Variants in FAHD2B observed in about 807,000 individuals in gnomAD.
FAHD2B encodes the protein fumarylacetoacetate hydrolase domain containing 2B.
FAHD2B carries 26 observed loss-of-function variants against 33.7 expected under a neutral mutation model. The ratio of observed to expected loss-of-function variants is 0.77; its 90% confidence interval spans 0.57 to 1.07. The LOEUF is 1.07. FAHD2B is among the 50% of genes least tolerant of loss of function. FAHD2B has a pLI of 0.00. For missense variants in FAHD2B, 272 were observed against 388.1 expected, an observed-to-expected ratio of 0.70 and a Z score of 2.51; for synonymous variants, 108 against 150.9, an observed-to-expected ratio of 0.72 and a Z score of 2.08.
At chr2:97,093,725 G>A (rs1341566496) in intron 1 of FAHD2B, among the ~76,000 whole-genome samples, 8 of 151,940 alleles carry the variant, frequency 5.3e-5, no homozygotes, top group Admixed American at 2.6e-4. Context: ...CGCCCACCTC[G>A]GCCTCCCAAA....
downstream of FAHD2B, among the ~76,000 whole-genome samples, chr2:97,080,521 G>A (rs1407340227): frequency 2.0e-5 from 3 of 152,102 alleles, no homozygotes; most frequent in Non-Finnish European, 4.4e-5. Context: ...TGAAGAGCAT[G>A]ATGCCTCCAG....
At chr2:97,082,893 T>C (rs1189582680), downstream of FAHD2B, 1 of 766,118 alleles carries the variant, frequency 1.3e-6, no homozygotes, top group Non-Finnish European at 2.3e-6. Flanking sequence ...TGGGATTTAC[T>C]TGGTGTCTTC....
chr2:97,094,279 C>T (rs1236765450), intron 1 of FAHD2B, among the ~76,000 whole-genome samples: 12 of 151,574 alleles, frequency 7.9e-5, no homozygotes, highest in Non-Finnish European at 1.8e-4. Flanking sequence ...TACAGCAATC[C>T]CCTCAGGTAA....
In FAHD2B at chr2:97,083,728, T is replaced by C. The variant is rs772272580; in HGVS notation, c.*27A>G. Reference sequence around the variant, plus strand: ...GGCTGAGTGGGAGCAGATGCCCTCATCCTATGTCGGGCCTGTGCAGGAGCC... The same window carrying C: ...GGCTGAGTGGGAGCAGATGCCCTCACCCTATGTCGGGCCTGTGCAGGAGCC... On this transcript the variant is annotated 3_prime_UTR_variant, in exon 9 of 9. Coordinates refer to ENST00000414820, the MANE Select transcript of FAHD2B (RefSeq NM_001320848.2). 1 of 1,614,034 alleles carries C rather than the reference T, an allele frequency of 6.2e-7. No homozygotes were observed. The highest frequency in any genetic ancestry group is 8.5e-7 in the Non-Finnish European group (1 of 1,180,028).
intron 4 of FAHD2B, among the ~76,000 whole-genome samples, chr2:97,089,380 G>A (rs1466665035): frequency 1.9e-4 from 29 of 149,500 alleles, no homozygotes; most frequent in Admixed American, 1.3e-4. Flanking sequence ...TTAGGTGGGC[G>A]TGGTGGCATG....
At position 97,083,949 on chromosome 2, in the gene FAHD2B, T is replaced by C. The variant is rs556055479; in HGVS notation, c.881A>G (p.Lys294Arg). 12 of 1,613,792 alleles carry C rather than the reference T, an allele frequency of 7.4e-6. No homozygotes were observed. The highest frequency in any genetic ancestry group is 4.5e-5 in the East Asian group (2 of 44,878). Residue 294 changes from lysine to arginine, a missense_variant and splice_region_variant, in exon 8 of 9, where the codon AAG (lysine) becomes AGG (arginine). Coordinates refer to ENST00000414820, the MANE Select transcript of FAHD2B (RefSeq NM_001320848.2). ...GVFRKPPVFL[K>R]KGDEVQCEIE... The stretch of plus-strand genomic sequence containing the variant: ...TCTCTTTGCTTTTCGCTAACCTACC[T>C]TGAGAAAGACAGGAGGTTTCCTGAA...
chr2:97,082,515 G>A, downstream of FAHD2B: 1 of 1,608,050 alleles, frequency 6.2e-7, no homozygotes, highest in South Asian at 1.1e-5. Flanking sequence ...GTGTTTGCTG[G>A]TGGCTGCTGC....
intron 4 of FAHD2B, among the ~76,000 whole-genome samples, chr2:97,088,550 G>A (rs562722060): frequency 2.5e-4 from 38 of 152,282 alleles, no homozygotes; most frequent in African/African-American, 7.7e-4. Context: ...ACGTGGAACT[G>A]TAAGTCCAAT....
chr2:97,082,170 C>T, downstream of FAHD2B: 4 of 1,537,106 alleles, frequency 2.6e-6, no homozygotes, highest in Non-Finnish European at 2.6e-6. Context: ...TGGGGAGCTG[C>T]ACTCACCCCG....
chr2:97,086,078 A>G (rs2031963743), intron 5 of FAHD2B, 61 bp downstream of exon 5: 1 of 1,589,710 alleles, frequency 6.3e-7, no homozygotes, highest in Non-Finnish European at 8.6e-7. Context: ...CAGAACTAGG[A>G]GAGGCAGGAG....
At chr2:97,082,492 C>G (rs2153381576), downstream of FAHD2B, 4 of 1,611,958 alleles carry the variant, frequency 2.5e-6, no homozygotes, top group East Asian at 8.9e-5. Flanking sequence ...AGCCCAGGCT[C>G]CTGCAGGCAG....
chr2:97,081,081 A>G, downstream of FAHD2B: 5 of 1,509,288 alleles, frequency 3.3e-6, no homozygotes, highest in East Asian at 9.2e-5. Flanking sequence ...CCTTCCTCAT[A>G]ATGGACCCTC....
downstream of FAHD2B, chr2:97,083,272 G>C: frequency 6.2e-7 from 1 of 1,603,964 alleles, no homozygotes; most frequent in African/African-American, 1.3e-5. Context: ...CTGTGAGGAG[G>C]AGCCTGTGCT....
rs559428080 is a variant in FAHD2B, at chr2:97,086,196, C to T, written c.465G>A (p.Glu155=). Residue 155 remains glutamate (E), a splice_region_variant and synonymous_variant, in exon 5 of 9, where the codon GAG becomes GAA. Coordinates refer to ENST00000414820, the MANE Select transcript of FAHD2B (RefSeq NM_001320848.2). ...CGGCCAGCTCCACTTCCCAATCTAC[C>T]TCCTGTAGGGTGGGAGAGGAATAGT... ...DEVVLPPQSQ[E]VDWEVELAVV... The T allele has an allele frequency of 4.7e-5, 76 of 1,611,576 alleles. 1 individual carries two copies. In the East Asian group the frequency reaches 1.7e-3, roughly 36 times the overall value.
At position 97,085,804 on chromosome 2, in the gene FAHD2B, G is replaced by A. The variant is rs767328246; in HGVS notation, c.580C>T (p.Arg194Cys). The A allele has an allele frequency of 3.1e-6, 5 of 1,613,644 alleles. No individual in the cohort carries two copies. The highest frequency in any genetic ancestry group is 2.2e-5 in the East Asian group (1 of 44,894). ...GFTVAHDVSA[R>C]DWLTRRNGKQ... Reference sequence around the variant, plus strand: ...CCATTGCGTCTTGTTAGCCAGTCACGAGCACTCACGTCATGAGCCACAGTG... The same window carrying A: ...CCATTGCGTCTTGTTAGCCAGTCACAAGCACTCACGTCATGAGCCACAGTG... The change falls in exon 6 of 9, where the codon CGT (arginine) becomes TGT (cysteine). Residue 194 changes from arginine (R) to cysteine (C), a missense_variant. By Grantham distance (180) the Arg-to-Cys change is radical. Transcript: ENST00000414820.
At chr2:97,082,184 T>A, downstream of FAHD2B, 2 of 1,529,118 alleles carry the variant, frequency 1.3e-6, no homozygotes, top group East Asian at 2.4e-5. Context: ...CACCCCGGCC[T>A]GTCCCCTCCA....
At chr2:97,084,737 T>C (rs2031852972) in intron 6 of FAHD2B, among the ~76,000 whole-genome samples, 1 of 151,926 alleles carries the variant, frequency 6.6e-6, no homozygotes, top group Non-Finnish European at 1.5e-5. Flanking sequence ...CAGTGAGTGC[T>C]TGTCTCTATG....
At chr2:97,091,815 A>G (rs1165387265) in intron 2 of FAHD2B, 48 bp downstream of exon 2, 1 of 1,498,440 alleles carries the variant, frequency 6.7e-7, no homozygotes, top group Non-Finnish European at 8.9e-7. Context: ...TGCCCCATCA[A>G]CCGTTCCCTG....
At position 97,084,108 on chromosome 2, in the gene FAHD2B, G is replaced by A. The variant is rs535387721; in HGVS notation, c.794+61C>T. 2.5e-6 allele frequency: 4 copies of A among 1,613,146 alleles called. No homozygotes were observed. The East Asian group carries it at 8.9e-5, about 36-fold the overall frequency. On this transcript the variant is annotated intron_variant, in intron 7 of 8. Coordinates refer to ENST00000414820, the MANE Select transcript of FAHD2B (RefSeq NM_001320848.2). ...GCCACAGCCAAAGGTGGAGGGCTCA[G>A]GTCAGCCTCCACATGTGTGGCAGGT...
Sources: allele counts gnomAD v4.1 joint callset (sites outside exome capture counted in the v4.1 genomes callset), GRCh38; gene constraint gnomAD v4.1.1; transcripts MANE v1.5; gene names NCBI Gene and HGNC (gene_info 2026-07-23, HGNC 2026-07-21).